INSC: variants seen among roughly 807,000 people sequenced by gnomAD.
The protein encoded by INSC is protein inscuteable homolog.
In INSC, 67 loss-of-function variants were observed where a neutral mutation model predicts 58.6. The ratio of observed to expected loss-of-function variants is 1.14; its 90% CI spans 0.94 to 1.40. The LOEUF is 1.40. Ranked by LOEUF, INSC falls within the 40% of genes most tolerant of loss-of-function variation. The pLI, the probability that INSC is intolerant of heterozygous loss-of-function variation, is 0.00. For synonymous variants in INSC, 262 were observed against 276.1 expected, an observed-to-expected ratio of 0.95 and a Z score of 0.51; for missense variants, 714 against 692.0, an observed-to-expected ratio of 1.03 and a Z score of -0.36.
At chr11:15,177,951 C>A (rs1488495282) in intron 4 of INSC, among the ~76,000 whole-genome samples, 1 of 152,208 alleles carries the variant, frequency 6.6e-6, no homozygotes, top group Non-Finnish European at 1.5e-5. Flanking sequence ...ACTAGCAATA[C>A]CTGGCACTTG....
intron 1 of INSC, among the ~76,000 whole-genome samples, chr11:15,147,936 C>A (rs1025201545): frequency 2.6e-5 from 4 of 152,126 alleles, no homozygotes; most frequent in African/African-American, 9.7e-5. Context: ...GTTGATGTGC[C>A]CAGGCAAAGG....
chr11:15,127,434 A>G (rs543941735), intron 1 of INSC, among the ~76,000 whole-genome samples: 32 of 152,286 alleles, frequency 2.1e-4, no homozygotes, highest in African/African-American at 7.7e-4. Context: ...ATTTCTTGAA[A>G]AGTCAGAGGG....
chr11:15,234,223 G>A (rs1248443926), intron 9 of INSC, among the ~76,000 whole-genome samples: 1 of 152,184 alleles, frequency 6.6e-6, no homozygotes, highest in East Asian at 1.9e-4. Context: ...ATCCAACCAG[G>A]CCCCTGATGG....
At chr11:15,225,555 C>A in intron 8 of INSC, 95 bp from the exon 9 acceptor site, 1 of 1,276,978 alleles carries the variant, frequency 7.8e-7, no homozygotes, top group South Asian at 1.5e-5. Flanking sequence ...AACACCTGCT[C>A]AAACGATCTC....
At chr11:15,203,454 A>C (rs527863515) in intron 7 of INSC, among the ~76,000 whole-genome samples, 1 of 152,354 alleles carries the variant, frequency 6.6e-6, no homozygotes, top group Non-Finnish European at 1.5e-5. Context: ...AGTGATCAGA[A>C]ATAACAACTA....
intron 1 of INSC, among the ~76,000 whole-genome samples, chr11:15,117,988 G>A (rs916646674): frequency 2.6e-5 from 4 of 152,186 alleles, no homozygotes; most frequent in African/African-American, 7.2e-5. Context: ...CTGGGTGCCC[G>A]AAGGAGTTTG....
chr11:15,136,649 C>T (rs1183380964), intron 1 of INSC, among the ~76,000 whole-genome samples: 4 of 152,162 alleles, frequency 2.6e-5, no homozygotes, highest in African/African-American at 9.7e-5. Context: ...AGAAGCAACT[C>T]CTCATCCATT....
chr11:15,175,185 T>A (rs1849530114), intron 2 of INSC, among the ~76,000 whole-genome samples: 1 of 152,244 alleles, frequency 6.6e-6, no homozygotes, highest in Non-Finnish European at 1.5e-5. Flanking sequence ...ATATTTTTCC[T>A]AGATGGAGCT....
intron 6 of INSC, among the ~76,000 whole-genome samples, chr11:15,200,340 T>G (rs1403971323): frequency 1.3e-5 from 2 of 152,152 alleles, no homozygotes; most frequent in African/African-American, 4.8e-5. Context: ...CTGCAGCAGT[T>G]GGAAGAATCT....
At position 15,245,992 on chromosome 11, in the gene INSC, G is replaced by A; in HGVS notation, c.1551G>A (p.Leu517=). Residue 517 remains leucine (L), a synonymous_variant, in exon 13 of 13, where the codon CTG becomes CTA. Transcript: ENST00000379556. ...TTCAGCAGTTGGTCCAGCCTCGGCT[G>A]GTGGACTCCTTCTTACTCTGCAGCA... is the stretch of plus-strand genomic sequence containing the variant. ...SDFQQLVQPR[L]VDSFLLCSNM... 1.9e-6 allele frequency: 3 copies of A among 1,614,164 alleles called. No individual in the cohort carries two copies. The highest frequency in any genetic ancestry group is 2.2e-5 in the South Asian group (2 of 91,078).
chr11:15,151,767 T>C (rs1848659012), intron 2 of INSC, among the ~76,000 whole-genome samples: 1 of 152,120 alleles, frequency 6.6e-6, no homozygotes, highest in South Asian at 2.1e-4. Flanking sequence ...AGTCCTTTGG[T>C]TTAACTTTCT....
At chr11:15,138,671 A>G (rs74832670) in intron 1 of INSC, among the ~76,000 whole-genome samples, 6,092 of 152,356 alleles carry the variant, frequency 0.04, 229 homozygotes, top group African/African-American at 0.097. Context: ...GATGGATATC[A>G]TAAAACTTCT....
intron 1 of INSC, among the ~76,000 whole-genome samples, chr11:15,136,232 C>T (rs1185700178): frequency 6.6e-6 from 1 of 152,122 alleles, no homozygotes; most frequent in Non-Finnish European, 1.5e-5. Flanking sequence ...TGTCTAAAAA[C>T]AATGTACATA....
chr11:15,213,687 C>T (rs1290298035), intron 7 of INSC, among the ~76,000 whole-genome samples: 1 of 149,942 alleles, frequency 6.7e-6, no homozygotes, highest in Non-Finnish European at 1.5e-5. Context: ...GCCTATATGT[C>T]TCTCTCTCTC....
At chr11:15,156,368 A>G (rs1009850264) in intron 2 of INSC, among the ~76,000 whole-genome samples, 6 of 152,192 alleles carry the variant, frequency 3.9e-5, no homozygotes, top group African/African-American at 1.4e-4. Flanking sequence ...TGAGGGTTTC[A>G]GTATTAGCTA....
intron 2 of INSC, among the ~76,000 whole-genome samples, chr11:15,160,923 C>G (rs1848995637): frequency 6.6e-6 from 1 of 152,198 alleles, no homozygotes; most frequent in Non-Finnish European, 1.5e-5. Context: ...GCCTCAGTTT[C>G]TCCTCCTCTG....
chr11:15,256,320 T>A, the INSC span, among the ~76,000 whole-genome samples: 1 of 152,202 alleles, frequency 6.6e-6, no homozygotes, highest in African/African-American at 2.4e-5. Context: ...TCAAACTTGT[T>A]AAAATTTAAT....
intron 11 of INSC, 43 bp downstream of exon 11, chr11:15,239,117 A>G (rs770490750): frequency 1.5e-5 from 24 of 1,576,954 alleles, no homozygotes; most frequent in Admixed American, 8.5e-5. Context: ...GAGTGGGGGT[A>G]TTGGGGGTGG....
chr11:15,233,975 CCTCTAACTCCTTCCA>C (rs1255271068), intron 9 of INSC, among the ~76,000 whole-genome samples: 4 of 152,178 alleles, frequency 2.6e-5, no homozygotes, highest in African/African-American at 9.7e-5. Context: ...CCAGCTTTTT[CCTCTAACTCCTTCCA>C]CTGAGCCCAC....
Sources: gnomAD v4.1 joint callset for allele counts (sites outside exome capture counted in the v4.1 genomes callset) on GRCh38, gnomAD v4.1.1 for gene constraint, MANE v1.5 for transcripts, NCBI Gene and HGNC (gene_info 2026-07-23, HGNC 2026-07-21) for gene names.